SPOCK3: variants seen among roughly 807,000 people sequenced by gnomAD.
SPOCK3 encodes testican-3.
In SPOCK3, 30 loss-of-function variants were observed where a neutral mutation model predicts 56.6. The observed-to-expected ratio is 0.53, with a 90% CI of 0.40 to 0.72. The LOEUF is 0.72. SPOCK3 is among the 30% of genes least tolerant of loss of function. SPOCK3 has a pLI of 0.00. For missense variants in SPOCK3, 527 were observed against 530.0 expected (o/e 0.99, Z 0.06); for synonymous variants, 196 against 183.3 (o/e 1.07, Z -0.56).
intron 6 of SPOCK3, among the ~76,000 whole-genome samples, chr4:166,866,390 A>C (rs1731844824): frequency 6.6e-6 from 1 of 152,184 alleles, no homozygotes; most frequent in Non-Finnish European, 1.5e-5. Context: ...TCATGACTAA[A>C]ACCCCAAAAG....
At chr4:166,910,993 T>G (rs530502069) in intron 5 of SPOCK3, among the ~76,000 whole-genome samples, 2 of 152,178 alleles carry the variant, frequency 1.3e-5, no homozygotes, top group Non-Finnish European at 2.9e-5. Flanking sequence ...GATTTATACA[T>G]CATTTCCATG....
At chr4:166,903,990 C>T (rs1477463952) in intron 5 of SPOCK3, among the ~76,000 whole-genome samples, 1 of 151,688 alleles carries the variant, frequency 6.6e-6, no homozygotes, top group South Asian at 2.1e-4. Flanking sequence ...ACTATTTTTT[C>T]TTTATCTAGA....
In SPOCK3 at chr4:166,997,792, GA is replaced by G. The variant is rs1748543015; in HGVS notation, c.350+2556del. Among the ~76,000 whole-genome samples, 3 of 152,176 alleles carry G rather than the reference GA, an allele frequency of 2.0e-5. No homozygotes were observed. The South Asian group carries it at 6.2e-4, about 31-fold the overall frequency. ...GAAGAGGAGACTGGAAAGTGTGTTT[GA>G]AAAACTGTATTCCCCTTGCAGGAAG... On this transcript the variant is annotated intron_variant, in intron 4 of 10. Coordinates refer to ENST00000357545, the MANE Select transcript of SPOCK3 (RefSeq NM_001040159.2).
chr4:167,004,955 G>A (rs1749320478), intron 3 of SPOCK3, among the ~76,000 whole-genome samples: 1 of 152,130 alleles, frequency 6.6e-6, no homozygotes, highest in Non-Finnish European at 1.5e-5. Flanking sequence ...GAGGTTAGGG[G>A]AAAGATGTCC....
chr4:167,188,364 G>T lies in SPOCK3; in HGVS notation c.189+45621C>A, dbSNP rs559012675. ...TTACAGAGCATACAAAAGAGGAAAA[G>T]AGGTCACTACTGATAAATGAAATAG... On this transcript the variant is annotated intron_variant, in intron 2 of 10. Coordinates refer to ENST00000357545, the MANE Select transcript of SPOCK3 (RefSeq NM_001040159.2). Among the ~76,000 whole-genome samples the T allele has an allele frequency of 4.1e-5, 6 of 145,966 alleles. 1 individual carries two copies. The highest frequency in any genetic ancestry group is 7.5e-5 in the Non-Finnish European group (5 of 67,064).
At chr4:166,895,053 T>C (rs1248090233) in intron 5 of SPOCK3, among the ~76,000 whole-genome samples, 1 of 152,162 alleles carries the variant, frequency 6.6e-6, no homozygotes, top group Non-Finnish European at 1.5e-5. Context: ...AATTTCATTT[T>C]ATTTGTTTAA....
At chr4:167,138,334 T>C (rs1339568380) in intron 2 of SPOCK3, among the ~76,000 whole-genome samples, 1 of 152,012 alleles carries the variant, frequency 6.6e-6, no homozygotes, top group Non-Finnish European at 1.5e-5. Flanking sequence ...TACTGAATTT[T>C]TGTCACTGAA....
intron 2 of SPOCK3, among the ~76,000 whole-genome samples, chr4:167,135,258 T>A (rs553801099): frequency 6.6e-6 from 1 of 152,228 alleles, no homozygotes; most frequent in African/African-American, 2.4e-5. Flanking sequence ...GAAAATGTCC[T>A]GTTTTAAGCC....
intron 2 of SPOCK3, among the ~76,000 whole-genome samples, chr4:167,188,530 C>A (rs1286178490): frequency 1.4e-5 from 2 of 144,950 alleles, no homozygotes; most frequent in African/African-American, 2.6e-5. Context: ...AGCACAATGA[C>A]AGTAATAAGA....
In SPOCK3 at chr4:167,205,349, AT is replaced by A. The variant is rs1260247975; in HGVS notation, c.189+28635del. On this transcript the variant is annotated intron_variant, in intron 2 of 10. Coordinates refer to ENST00000357545, the MANE Select transcript of SPOCK3 (RefSeq NM_001040159.2). ...ATAATATATATTATATATTATATAT[AT>A]AATATATATATTATATATTTTATAT... Among the ~76,000 whole-genome samples the A allele has an allele frequency of 1.2e-3, 47 of 39,226 alleles. 2 individuals carry two copies. The highest frequency in any genetic ancestry group is 1.8e-3 in the Non-Finnish European group (46 of 25,566). The allele number at this position is 39,226 out of a possible 152,430, so 25.7% of individuals were successfully genotyped here.
chr4:166,841,149 T>TTACCTCTTCAATTCAA (rs1747254064), intron 6 of SPOCK3, among the ~76,000 whole-genome samples: 1 of 152,052 alleles, frequency 6.6e-6, no homozygotes, highest in Non-Finnish European at 1.5e-5. Context: ...GTGTTGTGGG[T>TTACCTCTTCAATTCAA]CTGAAGTTTA....
chr4:166,776,218 TC>T (rs1739523920), intron 7 of SPOCK3, among the ~76,000 whole-genome samples: 2 of 151,946 alleles, frequency 1.3e-5, no homozygotes, highest in African/African-American at 2.4e-5. Flanking sequence ...ATCGAGACTA[TC>T]CTGGCCAACA....
intron 3 of SPOCK3, among the ~76,000 whole-genome samples, chr4:167,018,975 G>A (rs754350775): frequency 5.9e-5 from 9 of 151,816 alleles, no homozygotes; most frequent in Non-Finnish European, 1.0e-4. Flanking sequence ...AAGATCAATG[G>A]GACACAAGTC....
chr4:167,214,605 T>C (rs1246281377), intron 2 of SPOCK3, among the ~76,000 whole-genome samples: 1 of 152,158 alleles, frequency 6.6e-6, no homozygotes, highest in East Asian at 1.9e-4. Context: ...TTAAAAGTTA[T>C]CTTAAAATAG....
intron 2 of SPOCK3, among the ~76,000 whole-genome samples, chr4:167,084,048 G>A (rs1484317500): frequency 6.6e-6 from 1 of 152,096 alleles, no homozygotes; most frequent in African/African-American, 2.4e-5. Context: ...TGCAATGTTT[G>A]AAACTTAAGA....
At chr4:167,048,348 T>C (rs545349253) in intron 3 of SPOCK3, among the ~76,000 whole-genome samples, 5 of 151,914 alleles carry the variant, frequency 3.3e-5, no homozygotes, top group African/African-American at 9.7e-5. Context: ...AAGTAGTGTG[T>C]GATGTATTTC....
intron 7 of SPOCK3, among the ~76,000 whole-genome samples, chr4:166,773,832 T>C (rs539188475): frequency 6.6e-6 from 1 of 152,308 alleles, no homozygotes; most frequent in Admixed American, 6.5e-5. Context: ...TTAACTAGTA[T>C]ATTGATCACA....
At chr4:166,827,838 G>GA (rs70955696) in intron 6 of SPOCK3, among the ~76,000 whole-genome samples, 103,072 of 144,814 alleles carry the variant, frequency 0.71, 36,087 homozygotes, top group South Asian at 0.77. Flanking sequence ...CTCATCAAGG[G>GA]AAAAAAAAAA....
At chr4:166,952,616 G>T (rs572319248) in intron 4 of SPOCK3, among the ~76,000 whole-genome samples, 1 of 152,078 alleles carries the variant, frequency 6.6e-6, no homozygotes, top group African/African-American at 2.4e-5. Flanking sequence ...AAAAGAGCCC[G>T]CATCGTCAAG....
Sources: allele counts gnomAD v4.1 joint callset (sites outside exome capture counted in the v4.1 genomes callset), GRCh38; gene constraint gnomAD v4.1.1; transcripts MANE v1.5; gene names NCBI Gene and HGNC (gene_info 2026-07-23, HGNC 2026-07-21).